IL1RL1: variants seen among roughly 807,000 people sequenced by gnomAD.
IL1RL1 encodes interleukin-1 receptor-like 1.
A neutral mutation model predicts 50.9 loss-of-function variants in IL1RL1; 32 were observed. That is an observed-to-expected ratio of 0.63 (90% CI 0.47 to 0.84). The LOEUF is 0.84. IL1RL1 is among the 40% of genes least tolerant of loss of function. The probability of loss-of-function intolerance (pLI) is 0.00; values close to 1 mark genes in which losing one functional copy is unlikely to be tolerated. For synonymous variants in IL1RL1, 275 were observed against 236.0 expected, an observed-to-expected ratio of 1.17 and a Z score of -1.51; for missense variants, 773 against 662.9, an observed-to-expected ratio of 1.17 and a Z score of -1.82.
intron 1 of IL1RL1, among the ~76,000 whole-genome samples, chr2:102,325,239 C>A (rs1448536953): frequency 2.0e-5 from 3 of 152,198 alleles, no homozygotes; most frequent in Non-Finnish European, 4.4e-5. Context: ...CCCAGGCAAA[C>A]AGGGTCTGGA....
rs1226872572 is a variant in IL1RL1 at position 102,343,709 on chromosome 2, C to T, written c.970+294C>T. 4.6e-6 allele frequency: 6 copies of T among 1,316,976 alleles called. No individual in the cohort carries two copies. In the African/African-American group the frequency reaches 8.9e-5, roughly 19 times the overall value. 81.6% of individuals were successfully genotyped at this position (1,316,976 alleles called of 1,614,324 possible). On this transcript the variant is annotated intron_variant, in intron 8 of 10. Coordinates refer to ENST00000233954, the MANE Select transcript of IL1RL1 (RefSeq NM_016232.5). ...CTTGTTTTCTAACTTTATGAACTCC[C>T]TCTGTGTCACTGTATGTGAAAGGAA...
chr2:102,347,023 G>C (rs182859220), intron 8 of IL1RL1, among the ~76,000 whole-genome samples: 1 of 152,232 alleles, frequency 6.6e-6, no homozygotes. Context: ...CATGAGAGAA[G>C]TATGGGCTAT....
chr2:102,345,891 C>T, intron 8 of IL1RL1: 2 of 985,460 alleles, frequency 2.0e-6, no homozygotes, highest in Non-Finnish European at 2.4e-6. Flanking sequence ...CCTGCCCACT[C>T]ACACTGCCCT....
chr2:102,340,628 A>G, intron 4 of IL1RL1, 38 bp from the exon 5 acceptor site: 2 of 1,568,454 alleles, frequency 1.3e-6, no homozygotes, highest in African/African-American at 1.4e-5. Context: ...AATAAAAGTG[A>G]AGAATTACTG....
chr2:102,339,110 C>A, intron 3 of IL1RL1, 63 bp downstream of exon 3: 2 of 1,145,754 alleles, frequency 1.7e-6, no homozygotes, highest in South Asian at 1.2e-5. Flanking sequence ...GGTTGATTGC[C>A]TGAGCTGCCC....
intron 1 of IL1RL1, among the ~76,000 whole-genome samples, chr2:102,320,361 T>A (rs1676801323): frequency 6.6e-6 from 1 of 152,056 alleles, no homozygotes; most frequent in Admixed American, 6.5e-5. Context: ...TGGGATGTTT[T>A]ACAGTGAAAA....
chr2:102,340,215 A>C lies in IL1RL1; in HGVS notation c.390A>C (p.Lys130Asn), dbSNP rs1172073357. The C allele has an allele frequency of 6.2e-7, 1 of 1,606,022 alleles. No individual in the cohort carries two copies. The highest frequency in any genetic ancestry group is 8.5e-7 in the Non-Finnish European group (1 of 1,177,678). ...TATCTGGATCAGAAAAAAATTCCAA[A>C]ATTTATTGTCCTACCATTGACCTCT... is the stretch of plus-strand genomic sequence containing the variant. ...STVSGSEKNS[K>N]IYCPTIDLYN... Residue 130 changes from lysine (K) to asparagine (N), a missense_variant, in exon 4 of 11, where the codon AAA (lysine) becomes AAC (asparagine). Lys to Asn is a moderately conservative substitution (Grantham distance 94, BLOSUM62 0). Transcript: ENST00000233954.
At chr2:102,335,508 T>G (rs1677296165) in intron 1 of IL1RL1, among the ~76,000 whole-genome samples, 1 of 152,148 alleles carries the variant, frequency 6.6e-6, no homozygotes, top group Non-Finnish European at 1.5e-5. Flanking sequence ...ACTATAAAAT[T>G]TGAGTGATGT....
At chr2:102,330,515 G>T (rs967339085) in intron 1 of IL1RL1, among the ~76,000 whole-genome samples, 2 of 152,142 alleles carry the variant, frequency 1.3e-5, no homozygotes, top group African/African-American at 4.8e-5. Flanking sequence ...GAATCTCATT[G>T]TGATTTTAAT....
Position 102,342,208 on chromosome 2 carries a change from CT to C in IL1RL1, c.611-10del. ...CAATGCTCTCCTAATATTTATATTT[CT>C]TTTTGTCTTTAAGATGAGCAAGGCT... On this transcript the variant is annotated splice_polypyrimidine_tract_variant and intron_variant, in intron 5 of 10. Transcript: ENST00000233954. 1 of 1,576,078 alleles carries C rather than the reference CT, an allele frequency of 6.3e-7. No individual in the cohort carries two copies. Among genetic ancestry groups the C allele is most frequent in the Admixed American group, 1.7e-5 (1 of 59,754 alleles).
chr2:102,339,278 T>A, intron 3 of IL1RL1: 1 of 454,892 alleles, frequency 2.2e-6, no homozygotes, highest in Non-Finnish European at 3.9e-6. Flanking sequence ...GATTTGTAGC[T>A]GACTTAGAGA....
At position 102,343,257 on chromosome 2, in the gene IL1RL1, G is replaced by C; in HGVS notation, c.825-13G>C. 6.2e-7 allele frequency: 1 copy of C among 1,614,168 alleles called. No homozygotes were observed. Among genetic ancestry groups the C allele is most frequent in the South Asian group, 1.1e-5 (1 of 91,088 alleles). ...GCAAAGTAGGCATTAAAAGTAACAG[G>C]TTGCTTTCTTAGTTTCAGCAATGGG... On this transcript the variant is annotated splice_polypyrimidine_tract_variant and intron_variant, in intron 7 of 10. Transcript: ENST00000233954.
intron 1 of IL1RL1, 119 bp from the exon 2 acceptor site, chr2:102,337,997 C>T (rs1477747935): frequency 3.1e-5 from 8 of 258,488 alleles, no homozygotes; most frequent in African/African-American, 1.1e-4. Flanking sequence ...CCTGCTGTTA[C>T]ATCTCTTTGC....
chr2:102,340,307 T>C (rs1369091719), intron 4 of IL1RL1, 35 bp downstream of exon 4: 1 of 1,537,160 alleles, frequency 6.5e-7, no homozygotes, highest in African/African-American at 1.4e-5. Context: ...AGATGAAAAT[T>C]ACACAATTAA....
At chr2:102,328,848 C>T (rs1677090726) in intron 1 of IL1RL1, among the ~76,000 whole-genome samples, 2 of 152,108 alleles carry the variant, frequency 1.3e-5, no homozygotes, top group African/African-American at 4.8e-5. Context: ...AGGATACAAA[C>T]AAATGGAAGA....
In IL1RL1 at chr2:102,351,545, C is replaced by A; in HGVS notation, c.1295C>A (p.Thr432Asn). 1 of 1,613,682 alleles carries A rather than the reference C, an allele frequency of 6.2e-7. No individual in the cohort carries two copies. Among genetic ancestry groups the A allele is most frequent in the African/African-American group, 1.3e-5 (1 of 75,028 alleles). The change falls in exon 11 of 11, where the codon ACT (threonine) becomes AAT (asparagine). Residue 432 changes from threonine (T) to asparagine (N), a missense_variant. Transcript: ENST00000233954. ...TTTCTTGTATGACTAGATGTAGTCACTGCAGTGGAAACCAACATACGAAAG... is the reference window on the plus strand; with the variant it reads ...TTTCTTGTATGACTAGATGTAGTCAATGCAGTGGAAACCAACATACGAAAG... The part of the protein sequence containing the change: ...RDMLPGEDVV[T>N]AVETNIRKSR...
intron 3 of IL1RL1, 62 bp downstream of exon 3, chr2:102,339,109 C>T: frequency 2.6e-6 from 3 of 1,133,986 alleles, no homozygotes; most frequent in Non-Finnish European, 4.0e-6. Flanking sequence ...TGGTTGATTG[C>T]CTGAGCTGCC....
intron 1 of IL1RL1, among the ~76,000 whole-genome samples, chr2:102,313,828 AGT>A (rs368941865): frequency 6.6e-6 from 1 of 151,910 alleles, no homozygotes; most frequent in Non-Finnish European, 1.5e-5. Flanking sequence ...TGTGTGCACG[AGT>A]GTGTGTGTGT....
intron 8 of IL1RL1, chr2:102,344,805 T>G (rs1178183492): frequency 1.1e-6 from 1 of 932,304 alleles, no homozygotes; most frequent in Non-Finnish European, 1.3e-6. Context: ...ATACTATTTT[T>G]ATATTTATGT....
Sources: gnomAD v4.1 joint callset for allele counts (sites outside exome capture counted in the v4.1 genomes callset) on GRCh38, gnomAD v4.1.1 for gene constraint, MANE v1.5 for transcripts, NCBI Gene and HGNC (gene_info 2026-07-23, HGNC 2026-07-21) for gene names.